Variants in DCLK2 observed in about 807,000 individuals in gnomAD.
DCLK2 encodes serine/threonine-protein kinase DCLK2.
Under a neutral mutation model 78.4 loss-of-function variants are expected in DCLK2, and 31 were observed. The observed-to-expected ratio is 0.40, with a 90% CI of 0.30 to 0.53. The LOEUF is 0.53. Ranked by LOEUF, DCLK2 falls within the 20% of genes least tolerant of loss-of-function variation. The pLI, the probability that DCLK2 is intolerant of heterozygous loss-of-function variation, is 0.61. For missense variants in DCLK2, 872 were observed against 973.7 expected (o/e 0.90, Z 1.39); for synonymous variants, 407 against 374.9 (o/e 1.09, Z -0.99).
chr4:150,233,140 CTT>C (rs1560894305), intron 10 of DCLK2, among the ~76,000 whole-genome samples: 3 of 152,060 alleles, frequency 2.0e-5, no homozygotes, highest in Admixed American at 2.0e-4. Context: ...CCTCAGGAGA[CTT>C]ACAATCATGG....
intron 5 of DCLK2, among the ~76,000 whole-genome samples, chr4:150,219,596 A>G (rs1741020790): frequency 6.6e-6 from 1 of 152,164 alleles, no homozygotes; most frequent in Non-Finnish European, 1.5e-5. Context: ...GTTCTGTGCT[A>G]GATGATTTAA....
At chr4:150,092,204 A>G (rs973681496) in intron 1 of DCLK2, among the ~76,000 whole-genome samples, 3 of 152,158 alleles carry the variant, frequency 2.0e-5, no homozygotes, top group Non-Finnish European at 4.4e-5. Flanking sequence ...TTATCAGTTC[A>G]TCCATCACTG....
intron 2 of DCLK2, among the ~76,000 whole-genome samples, chr4:150,176,280 C>T (rs1190127963): frequency 2.0e-5 from 3 of 152,170 alleles, no homozygotes; most frequent in African/African-American, 7.2e-5. Flanking sequence ...ACTCACCCAT[C>T]ACTAAATATT....
In DCLK2 at chr4:150,194,022, G is replaced by GACACACACACAC. The variant is rs58179559; in HGVS notation, c.859+821_859+832dup. On this transcript the variant is annotated intron_variant, in intron 3 of 15. Coordinates refer to ENST00000296550, the MANE Select transcript of DCLK2 (RefSeq NM_001040260.4). ...CCACCTCAGCCTCCCAAAGTGCTGG[G>GACACACACACAC]ACACACACACACACACACACACACA... Among the ~76,000 whole-genome samples, 925 of 133,846 alleles carry GACACACACACAC rather than the reference G, an allele frequency of 6.9e-3. 14 individuals carry two copies. Among genetic ancestry groups the GACACACACACAC allele is most frequent in the East Asian group, 0.03 (131 of 4,308 alleles). The allele number at this position is 133,846 out of a possible 152,430, so 87.8% of individuals were successfully genotyped here. A position where few individuals can be genotyped will look rare whatever the true frequency, so the allele number is the denominator to read the frequency against.
In DCLK2 at chr4:150,137,201, C is replaced by T. The variant is rs1040375760; in HGVS notation, c.756+34389C>T. Reference sequence around the variant, plus strand: ...AGCTCTGCTGTTCTCAGCTGAGCTGCAAGATAGTAGGGAGTAGGGTGGAGT... The same window carrying T: ...AGCTCTGCTGTTCTCAGCTGAGCTGTAAGATAGTAGGGAGTAGGGTGGAGT... On this transcript the variant is annotated intron_variant, in intron 2 of 15. Transcript: ENST00000296550. Among the ~76,000 whole-genome samples, 32 of 152,008 alleles carry T rather than the reference C, an allele frequency of 2.1e-4. 1 individual carries two copies. Among genetic ancestry groups the T allele is most frequent in the African/African-American group, 7.0e-4 (29 of 41,494 alleles).
intron 8 of DCLK2, among the ~76,000 whole-genome samples, chr4:150,228,681 C>T (rs1741798525): frequency 1.3e-5 from 2 of 152,092 alleles, no homozygotes; most frequent in South Asian, 4.2e-4. Context: ...AATCTGGTCC[C>T]GAGAAGTATA....
At chr4:150,087,768 G>A (rs1248953009) in intron 1 of DCLK2, among the ~76,000 whole-genome samples, 7 of 152,148 alleles carry the variant, frequency 4.6e-5, no homozygotes, top group Non-Finnish European at 7.4e-5. Flanking sequence ...TCTGGAATGG[G>A]GGTCTTGTGA....
At chr4:150,110,497 T>G (rs1731598859) in intron 2 of DCLK2, among the ~76,000 whole-genome samples, 1 of 152,146 alleles carries the variant, frequency 6.6e-6, no homozygotes, top group Admixed American at 6.5e-5. Flanking sequence ...TTTTTGAATT[T>G]CAGTAGCTTT....
At chr4:150,220,608 T>C (rs1741112685) in intron 5 of DCLK2, 95 bp from the exon 6 acceptor site, 8 of 1,040,710 alleles carry the variant, frequency 7.7e-6, no homozygotes, top group Non-Finnish European at 1.2e-5. Context: ...CTGTGACACA[T>C]TTTTACATTC....
intron 15 of DCLK2, among the ~76,000 whole-genome samples, 170 bp from the exon 16 acceptor site, chr4:150,255,850 T>C (rs1744517478): frequency 6.6e-6 from 1 of 152,202 alleles, no homozygotes; most frequent in Non-Finnish European, 1.5e-5. Flanking sequence ...CTTCCCCCGG[T>C]GGGTTCCCGA....
chr4:150,232,526 G>C lies in DCLK2; in HGVS notation c.1419+70G>C, dbSNP rs1742155633. The C allele has an allele frequency of 1.9e-6, 3 of 1,578,080 alleles. No individual in the cohort carries two copies. In the South Asian group the frequency reaches 3.5e-5, roughly 18 times the overall value. On this transcript the variant is annotated intron_variant, in intron 9 of 15. Coordinates refer to ENST00000296550, the MANE Select transcript of DCLK2 (RefSeq NM_001040260.4). ...ACAACATCCTTGAAGGACCTAATCA[G>C]AAAAGTGTATTGCTACCTCATAACT... is the stretch of plus-strand genomic sequence containing the variant.
At chr4:150,084,825 C>A (rs914058663) in intron 1 of DCLK2, among the ~76,000 whole-genome samples, 1 of 152,112 alleles carries the variant, frequency 6.6e-6, no homozygotes, top group African/African-American at 2.4e-5. Context: ...GGGTGTGTAC[C>A]GCCTGGCTAG....
intron 2 of DCLK2, among the ~76,000 whole-genome samples, chr4:150,173,176 C>T (rs1736680782): frequency 6.6e-6 from 1 of 152,140 alleles, no homozygotes; most frequent in South Asian, 2.1e-4. Flanking sequence ...AGGGGAAGGG[C>T]AGAGGTGGGG....
At position 150,221,683 on chromosome 4, in the gene DCLK2, A is replaced by G; in HGVS notation, c.1139A>G (p.Asn380Ser). The G allele has an allele frequency of 3.8e-6, 6 of 1,594,116 alleles. No homozygotes were observed. Among genetic ancestry groups the G allele is most frequent in the Non-Finnish European group, 5.1e-6 (6 of 1,172,874 alleles). The change falls in exon 7 of 16, where the codon AAT becomes AGT. Residue 380 changes from asparagine (N) to serine (S), a missense_variant. Coordinates refer to ENST00000296550, the MANE Select transcript of DCLK2 (RefSeq NM_001040260.4). ...GCATTTATCCTTTTTGCAGGTGTGA[A>G]TGGAAACAGATGCTCTGAATCATCA... Reference protein sequence around the residue: ...LDRCISPEGVNGNRCSESSTL... With the variant: ...LDRCISPEGVSGNRCSESSTL...
chr4:150,132,871 T>C (rs556174342), intron 2 of DCLK2, among the ~76,000 whole-genome samples: 1 of 152,296 alleles, frequency 6.6e-6, no homozygotes, highest in African/African-American at 2.4e-5. Context: ...CAAACTGTCC[T>C]CCCACCACAG....
intron 1 of DCLK2, among the ~76,000 whole-genome samples, chr4:150,091,163 G>A (rs1219082389): frequency 6.6e-6 from 1 of 152,174 alleles, no homozygotes; most frequent in East Asian, 1.9e-4. Context: ...ACTCATCTGT[G>A]ATGTATTTAA....
At chr4:150,088,861 A>T (rs1431321173) in intron 1 of DCLK2, among the ~76,000 whole-genome samples, 1 of 152,206 alleles carries the variant, frequency 6.6e-6, no homozygotes, top group East Asian at 1.9e-4. Flanking sequence ...GTGCATGCCC[A>T]GTTCCCCCAC....
chr4:150,214,534 G>A (rs1409489388), intron 5 of DCLK2, among the ~76,000 whole-genome samples: 2 of 152,172 alleles, frequency 1.3e-5, no homozygotes, highest in African/African-American at 4.8e-5. Context: ...CTGAATAAAT[G>A]TTATTGGAAC....
intron 2 of DCLK2, among the ~76,000 whole-genome samples, chr4:150,167,234 A>G (rs1472304088): frequency 6.6e-6 from 1 of 152,258 alleles, no homozygotes; most frequent in African/African-American, 2.4e-5. Flanking sequence ...GCAGGCCTGC[A>G]GAGAAGCAGC....
Sources: allele counts gnomAD v4.1 joint callset (sites outside exome capture counted in the v4.1 genomes callset), GRCh38; gene constraint gnomAD v4.1.1; transcripts MANE v1.5; gene names NCBI Gene and HGNC (gene_info 2026-07-23, HGNC 2026-07-21).